MRPS35: variants seen among roughly 807,000 people sequenced by gnomAD.
The protein encoded by MRPS35 is mitochondrial ribosomal protein S35, also known as small ribosomal subunit protein mS35.
Under a neutral mutation model 32.7 loss-of-function variants are expected in MRPS35, and 29 were observed. The ratio of observed to expected loss-of-function variants is 0.89; its 90% CI spans 0.66 to 1.21. MRPS35 has a LOEUF of 1.21. Among genes scored for constraint, MRPS35 ranks in the 50% most tolerant of loss-of-function variants. MRPS35 has a pLI of 0.00. For missense variants in MRPS35, 373 were observed against 383.8 expected, an observed-to-expected ratio of 0.97 and a Z score of 0.23; for synonymous variants, 148 against 139.3, an observed-to-expected ratio of 1.06 and a Z score of -0.44.
At chr12:27,723,888 G>C (rs536103313) in intron 4 of MRPS35, among the ~76,000 whole-genome samples, 159 bp from the exon 5 acceptor site, 4 of 152,210 alleles carry the variant, frequency 2.6e-5, no homozygotes, top group Non-Finnish European at 5.9e-5. Context: ...GATAGGAAAA[G>C]GGATAAGGGA....
intron 1 of MRPS35, among the ~76,000 whole-genome samples, chr12:27,713,932 G>A (rs1482772238): frequency 2.0e-5 from 3 of 151,824 alleles, no homozygotes; most frequent in African/African-American, 4.8e-5. Flanking sequence ...ACAAGAATTA[G>A]CCGGGTGTGC....
At chr12:27,741,339 C>T (rs1053587171) in intron 7 of MRPS35, among the ~76,000 whole-genome samples, 8 of 151,824 alleles carry the variant, frequency 5.3e-5, no homozygotes, top group Admixed American at 6.6e-5. Context: ...GTAATAGCCT[C>T]GACTATTTAA....
rs187693105 is a variant in MRPS35, at chr12:27,747,194, G to A, written c.703-7987G>A. Reference sequence around the variant, plus strand: ...ACTTTGCATATGTTATTCTCTTTGCGTATAATTCTTTTTTCAAATTGATCA... The same window carrying A: ...ACTTTGCATATGTTATTCTCTTTGCATATAATTCTTTTTTCAAATTGATCA... On this transcript the variant is annotated intron_variant, in intron 7 of 7. Transcript: ENST00000081029. Among the ~76,000 whole-genome samples, 8 of 152,112 alleles carry A rather than the reference G, an allele frequency of 5.3e-5. No homozygotes were observed. The East Asian group carries it at 5.8e-4, about 11-fold the overall frequency.
chr12:27,729,419 C>T (rs1279588084), intron 5 of MRPS35, among the ~76,000 whole-genome samples: 1 of 151,950 alleles, frequency 6.6e-6, no homozygotes, highest in Non-Finnish European at 1.5e-5. Flanking sequence ...TTCAAGTAAC[C>T]ATAGCTTGTT....
intron 7 of MRPS35, among the ~76,000 whole-genome samples, chr12:27,751,102 C>CAAAAAAAAAAAAAAAA (rs71438703): frequency 7.1e-4 from 27 of 38,008 alleles, no homozygotes; most frequent in African/African-American, 9.4e-4. Flanking sequence ...GACTCCATCT[C>CAAAAAAAAAAAAAAAA]AAAAAAAAAA....
intron 5 of MRPS35, among the ~76,000 whole-genome samples, chr12:27,728,451 A>C (rs1178803992): frequency 6.6e-6 from 1 of 152,138 alleles, no homozygotes; most frequent in Non-Finnish European, 1.5e-5. Context: ...AATGTTTCAC[A>C]CTAAAATACT....
intron 7 of MRPS35, among the ~76,000 whole-genome samples, chr12:27,742,419 AC>A (rs2061967342): frequency 6.6e-6 from 1 of 152,166 alleles, no homozygotes; most frequent in East Asian, 1.9e-4. Context: ...CTGGAGGGAA[AC>A]CGTTGGTTAT....
intron 5 of MRPS35, among the ~76,000 whole-genome samples, chr12:27,734,275 T>C (rs1447497481): frequency 6.7e-6 from 1 of 150,018 alleles, no homozygotes; most frequent in Non-Finnish European, 1.5e-5. Flanking sequence ...AGAGTTTTGC[T>C]CTTGTTGCCC....
At chr12:27,714,576 A>G (rs2061841801) in intron 1 of MRPS35, among the ~76,000 whole-genome samples, 2 of 138,588 alleles carry the variant, frequency 1.4e-5, no homozygotes, top group African/African-American at 2.8e-5. Context: ...ATACGCCGAG[A>G]CTCCCTCTGT....
At chr12:27,751,551 C>T (rs927076805) in intron 7 of MRPS35, among the ~76,000 whole-genome samples, 15 of 152,150 alleles carry the variant, frequency 9.9e-5, no homozygotes, top group Non-Finnish European at 1.3e-4. Context: ...GTGTGGCTCC[C>T]GCGACCCCCA....
intron 1 of MRPS35, among the ~76,000 whole-genome samples, chr12:27,711,623 A>G (rs1489890432): frequency 1.3e-5 from 2 of 150,814 alleles, no homozygotes; most frequent in Non-Finnish European, 3.0e-5. Flanking sequence ...TCTCTAATTT[A>G]CTCTCCTCAT....
chr12:27,712,613 G>A (rs902892117), intron 1 of MRPS35, among the ~76,000 whole-genome samples: 3 of 152,176 alleles, frequency 2.0e-5, no homozygotes, highest in Non-Finnish European at 1.5e-5. Flanking sequence ...TTTGATGTGG[G>A]GCTTGAGGAC....
chr12:27,746,485 C>G (rs1270837171), intron 7 of MRPS35, among the ~76,000 whole-genome samples: 1 of 152,102 alleles, frequency 6.6e-6, no homozygotes, highest in Non-Finnish European at 1.5e-5. Context: ...CAACCTATAT[C>G]TAATATCAGA....
At chr12:27,717,468 A>G (rs1314596573) in intron 3 of MRPS35, among the ~76,000 whole-genome samples, 1 of 152,220 alleles carries the variant, frequency 6.6e-6, no homozygotes, top group Non-Finnish European at 1.5e-5. Flanking sequence ...CTGGGAATGC[A>G]TATCTTAGAT....
chr12:27,722,969 T>G (rs2061882947), intron 4 of MRPS35, among the ~76,000 whole-genome samples: 1 of 152,234 alleles, frequency 6.6e-6, no homozygotes. Context: ...CCCCTTAGAC[T>G]GTCACCTAGA....
intron 5 of MRPS35, among the ~76,000 whole-genome samples, chr12:27,724,679 G>T (rs1232513852): frequency 1.3e-5 from 2 of 151,972 alleles, no homozygotes; most frequent in Admixed American, 1.3e-4. Flanking sequence ...GGAGGCAGAG[G>T]TTGCAGTGAG....
chr12:27,747,733 T>C (rs1054931157), intron 7 of MRPS35, among the ~76,000 whole-genome samples: 3 of 152,216 alleles, frequency 2.0e-5, no homozygotes, highest in Admixed American at 6.5e-5. Context: ...GGAGCAGATA[T>C]TTCTTTGCCT....
In MRPS35 at chr12:27,755,495, T is replaced by C. The variant is rs539539807; in HGVS notation, c.*45T>C. On this transcript the variant is annotated 3_prime_UTR_variant, in exon 8 of 8. Transcript: ENST00000081029. ...TGCTTGATTTATTAATTTTATGATA[T>C]ATGTGATCAGTATCTAATTTGATAT... is the stretch of plus-strand genomic sequence containing the variant. The C allele has an allele frequency of 6.9e-7, 1 of 1,441,738 alleles. No individual in the cohort carries two copies. Among genetic ancestry groups the C allele is most frequent in the East Asian group, 2.4e-5 (1 of 42,502 alleles). 89.3% of individuals were successfully genotyped at this position (1,441,738 alleles called of 1,614,324 possible). A position where few individuals can be genotyped will look rare whatever the true frequency, so the allele number is the denominator to read the frequency against.
chr12:27,738,528 A>G (rs1176959545), intron 7 of MRPS35, among the ~76,000 whole-genome samples: 1 of 152,222 alleles, frequency 6.6e-6, no homozygotes, highest in Non-Finnish European at 1.5e-5. Context: ...TGCTTGAGCA[A>G]CACCTCATCT....
Sources: allele counts gnomAD v4.1 joint callset (sites outside exome capture counted in the v4.1 genomes callset), GRCh38; gene constraint gnomAD v4.1.1; transcripts MANE v1.5; gene names NCBI Gene and HGNC (gene_info 2026-07-23, HGNC 2026-07-21).